CLVS1: variants seen among roughly 807,000 people sequenced by gnomAD.
The protein encoded by CLVS1 is clavesin 1.
CLVS1 carries 10 observed loss-of-function variants against 33.1 expected under a neutral mutation model. That is an observed-to-expected ratio of 0.30 (90% CI 0.19 to 0.51). The LOEUF (loss-of-function observed/expected upper bound fraction) is 0.51, where lower values mean the gene tolerates loss of function less well. CLVS1 is among the 20% of genes least tolerant of loss of function. CLVS1 has a pLI of 0.97. For synonymous variants in CLVS1, 163 were observed against 166.1 expected, an observed-to-expected ratio of 0.98 and a Z score of 0.14; for missense variants, 343 against 433.4, an observed-to-expected ratio of 0.79 and a Z score of 1.85.
chr8:61,024,497 G>T, the CLVS1 span, among the ~76,000 whole-genome samples: 1 of 152,078 alleles, frequency 6.6e-6, no homozygotes, highest in African/African-American at 2.4e-5. Flanking sequence ...ATCATAATCC[G>T]AGCATCCCAA....
chr8:61,225,885 T>G (rs1808318202), intron 2 of CLVS1, among the ~76,000 whole-genome samples: 1 of 152,228 alleles, frequency 6.6e-6, no homozygotes, highest in Non-Finnish European at 1.5e-5. Context: ...CCAGGTTGCA[T>G]CTGCCTTTCA....
At chr8:61,069,589 T>C (rs1039390490) in intron 1 of CLVS1, among the ~76,000 whole-genome samples, 2 of 152,170 alleles carry the variant, frequency 1.3e-5, no homozygotes, top group South Asian at 2.1e-4. Flanking sequence ...CTGCATCTCA[T>C]GCACCTTGCC....
chr8:61,350,333 C>T (rs891364941), intron 2 of CLVS1, among the ~76,000 whole-genome samples: 1 of 152,112 alleles, frequency 6.6e-6, no homozygotes, highest in African/African-American at 2.4e-5. Flanking sequence ...GTCTAGTTAG[C>T]GTCTCTCACC....
In CLVS1 at chr8:61,062,567, G is replaced by A. The variant is rs141180825; in HGVS notation, c.-243+5337G>A. 9.6e-3 allele frequency among the ~76,000 whole-genome samples: 1,454 copies of A among 152,230 alleles called. 28 individuals are homozygous for A. The highest frequency in any genetic ancestry group is 0.033 in the African/African-American group (1,373 of 41,534). ...GCCTTTCTTACCTGTTTTCATTGAG[G>A]GCTTGCTTTTGTTTTATTTTCTGAG... On this transcript the variant is annotated intron_variant, in intron 1 of 2. Transcript: ENST00000522621.
chr8:61,144,063 A>G (rs1806367927), intron 2 of CLVS1, among the ~76,000 whole-genome samples: 1 of 151,408 alleles, frequency 6.6e-6, no homozygotes, highest in African/African-American at 2.4e-5. Context: ...ATATACATAT[A>G]TATATACTTT....
chr8:61,073,526 T>C (rs950259442), intron 1 of CLVS1, among the ~76,000 whole-genome samples: 1 of 152,194 alleles, frequency 6.6e-6, no homozygotes, highest in Non-Finnish European at 1.5e-5. Flanking sequence ...CATTCACTTA[T>C]TCTTTCCCCA....
chr8:61,386,755 A>C (rs532200487), intron 3 of CLVS1, among the ~76,000 whole-genome samples: 228 of 152,332 alleles, frequency 1.5e-3, no homozygotes, highest in Middle Eastern at 6.8e-3. Flanking sequence ...GATGCTGCTG[A>C]TGATGGTAAT....
chr8:61,014,885 G>T, the CLVS1 span, among the ~76,000 whole-genome samples: 4 of 152,208 alleles, frequency 2.6e-5, no homozygotes, highest in African/African-American at 9.7e-5. Context: ...GAGGCTGGAA[G>T]GTATGAAGCG....
chr8:61,156,214 C>CAAAAA (rs56094016), intron 2 of CLVS1, among the ~76,000 whole-genome samples: 19 of 56,274 alleles, frequency 3.4e-4, no homozygotes, highest in East Asian at 1.5e-3. Context: ...GATTCCATCT[C>CAAAAA]AAAAAAAAAA....
chr8:61,246,599 C>T (rs1314870101), intron 2 of CLVS1, among the ~76,000 whole-genome samples: 1 of 151,950 alleles, frequency 6.6e-6, no homozygotes, highest in Non-Finnish European at 1.5e-5. Flanking sequence ...TTCAATTGTC[C>T]TTAGCTTTTT....
intron 3 of CLVS1, among the ~76,000 whole-genome samples, chr8:61,419,438 A>G (rs968997790): frequency 2.6e-5 from 4 of 151,780 alleles, no homozygotes; most frequent in East Asian, 1.9e-4. Flanking sequence ...TGTTGTGGTG[A>G]AAATGAGAAA....
chr8:61,184,162 C>T (rs921791153), intron 2 of CLVS1, among the ~76,000 whole-genome samples: 1 of 152,146 alleles, frequency 6.6e-6, no homozygotes, highest in African/African-American at 2.4e-5. Flanking sequence ...ACTTGAGAAA[C>T]TTGGTAGTTT....
intron 2 of CLVS1, among the ~76,000 whole-genome samples, chr8:61,368,709 G>C (rs1813312403): frequency 6.6e-6 from 1 of 152,148 alleles, no homozygotes; most frequent in African/African-American, 2.4e-5. Context: ...AATGTAGCTG[G>C]CTCCCTGTCT....
intron 2 of CLVS1, among the ~76,000 whole-genome samples, chr8:61,237,265 C>A (rs1040064283): frequency 6.6e-6 from 1 of 151,964 alleles, no homozygotes; most frequent in African/African-American, 2.4e-5. Context: ...GTTGGTAGTG[C>A]CTGTAAGGGC....
intron 3 of CLVS1, among the ~76,000 whole-genome samples, chr8:61,392,240 G>A (rs575230902): frequency 2.6e-5 from 4 of 151,968 alleles, no homozygotes; most frequent in African/African-American, 9.7e-5. Flanking sequence ...ACTGAAGCAG[G>A]AGGATCTCTT....
chr8:61,202,608 G>A (rs1349278376), intron 2 of CLVS1: 15 of 1,422,092 alleles, frequency 1.1e-5, no homozygotes, highest in African/African-American at 4.2e-5. Context: ...TACAGCCAAC[G>A]GTTTCCCTTG....
At chr8:61,403,471 C>T (rs1302064681) in intron 3 of CLVS1, among the ~76,000 whole-genome samples, 2 of 152,034 alleles carry the variant, frequency 1.3e-5, no homozygotes, top group Non-Finnish European at 2.9e-5. Flanking sequence ...GAAACCATTG[C>T]AATAAGCTAG....
intron 3 of CLVS1, among the ~76,000 whole-genome samples, chr8:61,429,882 A>C (rs73685011): frequency 0.015 from 2,356 of 152,326 alleles, 77 homozygotes; most frequent in African/African-American, 0.054. Context: ...TCAAAAATAC[A>C]TGATTTTATT....
At chr8:61,461,848 C>A (rs532721737) in intron 5 of CLVS1, among the ~76,000 whole-genome samples, 1 of 152,288 alleles carries the variant, frequency 6.6e-6, no homozygotes, top group African/African-American at 2.4e-5. Flanking sequence ...CTATGAGAAC[C>A]TTCTTCTCCA....
Sources: gnomAD v4.1 joint callset for allele counts (sites outside exome capture counted in the v4.1 genomes callset) on GRCh38, gnomAD v4.1.1 for gene constraint, MANE v1.5 for transcripts, NCBI Gene and HGNC (gene_info 2026-07-23, HGNC 2026-07-21) for gene names.